The following LINGO2 variants were observed in gnomAD, a reference collection of about 807,000 sequenced individuals.
The protein encoded by LINGO2 is leucine rich repeat and Ig domain containing 2, also known as leucine-rich repeat and immunoglobulin-like domain-containing nogo receptor-interacting protein 2.
LINGO2 carries 14 observed loss-of-function variants against 30.6 expected under a neutral mutation model. The observed-to-expected ratio is 0.46, with a 90% CI of 0.30 to 0.72. The LOEUF is 0.72. LINGO2 is among the 30% of genes least tolerant of loss of function. The probability of loss-of-function intolerance (pLI) is 0.07; values close to 1 mark genes in which losing one functional copy is unlikely to be tolerated. For synonymous variants in LINGO2, 317 were observed against 288.5 expected (o/e 1.10, Z -1.00); for missense variants, 729 against 751.7 (o/e 0.97, Z 0.35).
chr9:28,522,056 A>C (rs1820849580), intron 1 of LINGO2, among the ~76,000 whole-genome samples: 1 of 152,196 alleles, frequency 6.6e-6, no homozygotes, highest in Non-Finnish European at 1.5e-5. Flanking sequence ...CTATTTTTTA[A>C]GTTGCCCAGT....
At chr9:28,698,051 C>T in the LINGO2 span, among the ~76,000 whole-genome samples, 1 of 152,002 alleles carries the variant, frequency 6.6e-6, no homozygotes, top group Admixed American at 6.6e-5. Context: ...TATGTATGAA[C>T]AAATTAGACT....
At chr9:28,829,061 C>T in the LINGO2 span, among the ~76,000 whole-genome samples, 4 of 152,164 alleles carry the variant, frequency 2.6e-5, no homozygotes, top group African/African-American at 9.6e-5. Context: ...CATCCTGCAG[C>T]CATAAAAACC....
At chr9:28,331,915 C>T (rs1442909987) in intron 3 of LINGO2, among the ~76,000 whole-genome samples, 13 of 152,162 alleles carry the variant, frequency 8.5e-5, no homozygotes, top group African/African-American at 3.1e-4. Context: ...ATCTGAGCTC[C>T]AACTTCATGA....
At chr9:29,038,085 C>T in the LINGO2 span, among the ~76,000 whole-genome samples, 1 of 151,718 alleles carries the variant, frequency 6.6e-6, no homozygotes, top group Non-Finnish European at 1.5e-5. Context: ...ATGTTATATT[C>T]TTGTCAATAT....
chr9:29,120,748 A>G, the LINGO2 span, among the ~76,000 whole-genome samples: 3 of 152,304 alleles, frequency 2.0e-5, no homozygotes, highest in East Asian at 5.8e-4. Flanking sequence ...AGTCACACAA[A>G]TGGACTTGAA....
At chr9:28,015,197 G>A (rs975529660) in intron 4 of LINGO2, among the ~76,000 whole-genome samples, 2 of 152,238 alleles carry the variant, frequency 1.3e-5, no homozygotes, top group Middle Eastern at 3.4e-3. Context: ...TCTTGGATAG[G>A]AGCTGGGATA....
chr9:29,178,285 A>G, the LINGO2 span, among the ~76,000 whole-genome samples: 1 of 151,886 alleles, frequency 6.6e-6, no homozygotes, highest in African/African-American at 2.4e-5. Flanking sequence ...CGAACTCCTG[A>G]CCTCAAGTAG....
At chr9:28,003,324 CATATAG>C (rs1223791428) in intron 5 of LINGO2, among the ~76,000 whole-genome samples, 1 of 141,908 alleles carries the variant, frequency 7.0e-6, no homozygotes, top group Non-Finnish European at 1.6e-5. Flanking sequence ...TTTTGTTAAC[CATATAG>C]ATATATAGAT....
chr9:27,950,295 G>T, exon 6 of LINGO2: 1 of 1,614,088 alleles, frequency 6.2e-7, no homozygotes, highest in Non-Finnish European at 8.5e-7. Flanking sequence ...GGACAGCCCC[G>T]TGAATACTCC....
At chr9:28,697,982 A>G in the LINGO2 span, among the ~76,000 whole-genome samples, 1 of 152,120 alleles carries the variant, frequency 6.6e-6, no homozygotes, top group African/African-American at 2.4e-5. Flanking sequence ...GTAAGGCTTA[A>G]TTCATTGAAT....
the LINGO2 span, among the ~76,000 whole-genome samples, chr9:28,790,853 G>A: frequency 1.1e-4 from 16 of 152,062 alleles, no homozygotes; most frequent in South Asian, 2.1e-4. Flanking sequence ...TTCATTTAAA[G>A]TTTGATATTA....
chr9:28,634,761 CAGGCA>C (rs1827177803), intron 1 of LINGO2, among the ~76,000 whole-genome samples: 1 of 152,140 alleles, frequency 6.6e-6, no homozygotes, highest in Non-Finnish European at 1.5e-5. Flanking sequence ...GCTAGGATTA[CAGGCA>C]TGAGCCACCG....
chr9:28,194,308 C>G (rs1195391105), intron 4 of LINGO2, among the ~76,000 whole-genome samples: 1 of 151,674 alleles, frequency 6.6e-6, no homozygotes, highest in African/African-American at 2.4e-5. Context: ...AGTAACAAAC[C>G]TATGGGCCAA....
chr9:28,704,456 T>C, the LINGO2 span, among the ~76,000 whole-genome samples: 2 of 152,070 alleles, frequency 1.3e-5, no homozygotes, highest in Non-Finnish European at 2.9e-5. Context: ...CCTGGATCTG[T>C]GGCTTGGTGT....
the LINGO2 span, among the ~76,000 whole-genome samples, chr9:28,800,290 A>G: frequency 6.6e-6 from 1 of 152,088 alleles, no homozygotes. Flanking sequence ...TTTCACAAAA[A>G]TGGAGAAATG....
At chr9:28,945,922 TC>T in the LINGO2 span, among the ~76,000 whole-genome samples, 1 of 152,152 alleles carries the variant, frequency 6.6e-6, no homozygotes, top group East Asian at 1.9e-4. Context: ...AGATGAGGCT[TC>T]CTTTCACCTC....
intron 4 of LINGO2, among the ~76,000 whole-genome samples, chr9:28,201,139 C>T (rs1305404068): frequency 2.0e-5 from 3 of 150,350 alleles, no homozygotes; most frequent in African/African-American, 7.4e-5. Context: ...AGGTTAGTTA[C>T]CTATGTATAC....
intron 5 of LINGO2, among the ~76,000 whole-genome samples, chr9:27,977,222 C>T (rs1820642343): frequency 3.3e-5 from 5 of 151,186 alleles, no homozygotes; most frequent in Admixed American, 3.3e-4. Context: ...TTCACAATCA[C>T]AGACCACAGA....
At chr9:28,315,793 C>A (rs977450802) in intron 3 of LINGO2, among the ~76,000 whole-genome samples, 1 of 152,136 alleles carries the variant, frequency 6.6e-6, no homozygotes, top group African/African-American at 2.4e-5. Context: ...TTTCTAATTT[C>A]TATTTCATAT....
Sources: gnomAD v4.1 joint callset for allele counts (sites outside exome capture counted in the v4.1 genomes callset) on GRCh38, gnomAD v4.1.1 for gene constraint, MANE v1.5 for transcripts, NCBI Gene and HGNC (gene_info 2026-07-23, HGNC 2026-07-21) for gene names.